RXFP2: variants seen among roughly 807,000 people sequenced by gnomAD.
RXFP2 encodes the protein relaxin receptor 2.
In RXFP2, 68 loss-of-function variants were observed where a neutral mutation model predicts 88.6. The ratio of observed to expected loss-of-function variants is 0.77; its 90% CI spans 0.63 to 0.94. The LOEUF (loss-of-function observed/expected upper bound fraction) is 0.94, where lower values mean the gene tolerates loss of function less well. Among genes scored for constraint, RXFP2 ranks in the 40% least tolerant of loss-of-function variants. The pLI is 0.00. For synonymous variants in RXFP2, 329 were observed against 306.8 expected, an observed-to-expected ratio of 1.07 and a Z score of -0.76; for missense variants, 791 against 893.9, an observed-to-expected ratio of 0.88 and a Z score of 1.47.
intron 11 of RXFP2, among the ~76,000 whole-genome samples, chr13:31,785,792 T>C (rs1399346561): frequency 1.3e-5 from 2 of 152,168 alleles, no homozygotes; most frequent in Non-Finnish European, 2.9e-5. Flanking sequence ...CCACATTTTA[T>C]AGAGTCACTT....
chr13:31,786,357 C>T, intron 11 of RXFP2, 26 bp from the exon 12 acceptor site: 2 of 1,496,050 alleles, frequency 1.3e-6, no homozygotes, highest in South Asian at 2.3e-5. Context: ...AAAGTAATTG[C>T]TTTGGGTTTT....
chr13:31,774,521 C>A, intron 5 of RXFP2, 99 bp from the exon 6 acceptor site: 1 of 767,966 alleles, frequency 1.3e-6, no homozygotes, highest in Non-Finnish European at 2.4e-6. Flanking sequence ...ACTTCAATTT[C>A]ACAATTGTCT....
At chr13:31,779,089 T>A (rs1044906713) in intron 9 of RXFP2, among the ~76,000 whole-genome samples, 1 of 151,170 alleles carries the variant, frequency 6.6e-6, no homozygotes. Flanking sequence ...CTCATCCCTA[T>A]CTCAGGGTAC....
chr13:31,775,149 C>T (rs1316768054), intron 6 of RXFP2, among the ~76,000 whole-genome samples, 169 bp from the exon 7 acceptor site: 2 of 152,202 alleles, frequency 1.3e-5, no homozygotes, highest in African/African-American at 2.4e-5. Context: ...TTGTGGTTAT[C>T]TGTACCTTCT....
At chr13:31,754,791 A>C (rs1871856132) in intron 1 of RXFP2, among the ~76,000 whole-genome samples, 2 of 152,212 alleles carry the variant, frequency 1.3e-5, no homozygotes, top group Non-Finnish European at 2.9e-5. Context: ...AAAATCATAC[A>C]TGTGATATGG....
At chr13:31,759,042 C>G (rs1872118800) in intron 2 of RXFP2, among the ~76,000 whole-genome samples, 1 of 139,466 alleles carries the variant, frequency 7.2e-6, no homozygotes. Flanking sequence ...AGCAAAACTC[C>G]ATCTCAAAAA....
At chr13:31,789,372 C>T (rs780918289) in intron 14 of RXFP2, among the ~76,000 whole-genome samples, 179 bp downstream of exon 14, 35 of 152,180 alleles carry the variant, frequency 2.3e-4, no homozygotes, top group Admixed American at 7.2e-4. Context: ...TATGATGTGC[C>T]GACATGAATG....
At chr13:31,745,429 G>A (rs548878094) in intron 1 of RXFP2, among the ~76,000 whole-genome samples, 2 of 152,106 alleles carry the variant, frequency 1.3e-5, no homozygotes, top group African/African-American at 4.8e-5. Flanking sequence ...CTGGCCATGA[G>A]CAAGCATTAT....
intron 14 of RXFP2, among the ~76,000 whole-genome samples, chr13:31,790,964 G>C (rs1238788505): frequency 2.0e-5 from 3 of 152,174 alleles, no homozygotes; most frequent in African/African-American, 7.2e-5. Flanking sequence ...AGGCAGCCAG[G>C]GGTCTGATAC....
chr13:31,774,078 G>C (rs186402836), intron 5 of RXFP2, among the ~76,000 whole-genome samples: 1 of 152,242 alleles, frequency 6.6e-6, no homozygotes, highest in African/African-American at 2.4e-5. Flanking sequence ...CTTGAAATTG[G>C]CATACTTGCC....
rs190778453 is a variant in RXFP2 at position 31,763,909 on chromosome 13, C to T, written c.320-1128C>T. ...GAGCTAATTAACATATATGTATAGA[C>T]AACATAAAATATTTTCCAAAATGTA... On this transcript the variant is annotated intron_variant, in intron 3 of 17. Coordinates refer to ENST00000298386, the MANE Select transcript of RXFP2 (RefSeq NM_130806.5). Among the ~76,000 whole-genome samples the T allele has an allele frequency of 1.2e-3, 176 of 152,034 alleles. 2 individuals carry two copies. Among genetic ancestry groups the T allele is most frequent in the African/African-American group, 3.9e-3 (160 of 41,478 alleles).
intron 3 of RXFP2, among the ~76,000 whole-genome samples, chr13:31,762,637 T>A (rs1872352856): frequency 6.6e-6 from 1 of 152,172 alleles, no homozygotes; most frequent in African/African-American, 2.4e-5. Context: ...AGTATGTATA[T>A]GTAAATGTAT....
chr13:31,782,793 A>T, intron 11 of RXFP2, 46 bp downstream of exon 11: 1 of 1,249,560 alleles, frequency 8.0e-7, no homozygotes, highest in Non-Finnish European at 1.2e-6. Flanking sequence ...TTCTTCCGAG[A>T]TTATAAATTT....
chr13:31,760,082 T>C (rs1872231492), intron 2 of RXFP2, among the ~76,000 whole-genome samples: 1 of 148,864 alleles, frequency 6.7e-6, no homozygotes, highest in Admixed American at 6.7e-5. Flanking sequence ...TGTTGTTTGT[T>C]TGTTTGTTTG....
intron 6 of RXFP2, 124 bp downstream of exon 6, chr13:31,774,815 C>G (rs1872872059): frequency 9.9e-6 from 7 of 703,822 alleles, no homozygotes; most frequent in South Asian, 9.1e-5. Flanking sequence ...TCACAAAGTA[C>G]TTAGATTAGT....
rs375147143 is a variant in RXFP2, at chr13:31,762,280, GA to G, written c.319+480del. On this transcript the variant is annotated intron_variant, in intron 3 of 17. Transcript: ENST00000298386. ...CATTGGAAGAAATGATGGCTGTGCT[GA>G]GGATGGGGAAAGATTCCCAGAGAGG... 2.9e-3 allele frequency among the ~76,000 whole-genome samples: 440 copies of G among 152,344 alleles called. 4 individuals carry two copies. The highest frequency in any genetic ancestry group is 5.1e-3 in the Non-Finnish European group (350 of 68,026).
intron 5 of RXFP2, among the ~76,000 whole-genome samples, chr13:31,767,458 T>C (rs1169507007): frequency 6.6e-6 from 1 of 152,166 alleles, no homozygotes; most frequent in African/African-American, 2.4e-5. Flanking sequence ...AATCACAACA[T>C]GTTCATTAGA....
At chr13:31,799,564 C>A (rs1874231133) in intron 17 of RXFP2, among the ~76,000 whole-genome samples, 1 of 152,094 alleles carries the variant, frequency 6.6e-6, no homozygotes, top group South Asian at 2.1e-4. Context: ...GGGACGCAGC[C>A]TAGTGTGGTG....
chr13:31,788,205 A>C (rs1873639688), intron 13 of RXFP2, among the ~76,000 whole-genome samples: 1 of 152,292 alleles, frequency 6.6e-6, no homozygotes, highest in South Asian at 2.1e-4. Flanking sequence ...GGGCCATGCA[A>C]TTACTCAGTA....
Sources: gnomAD v4.1 joint callset for allele counts (sites outside exome capture counted in the v4.1 genomes callset) on GRCh38, gnomAD v4.1.1 for gene constraint, MANE v1.5 for transcripts, NCBI Gene and HGNC (gene_info 2026-07-23, HGNC 2026-07-21) for gene names.